EXOC6B: variants seen among roughly 807,000 people sequenced by gnomAD.
EXOC6B encodes SEC15 homolog B.
Under a neutral mutation model 113.5 loss-of-function variants are expected in EXOC6B, and 54 were observed. The observed-to-expected ratio is 0.48, with a 90% CI of 0.38 to 0.60. The LOEUF is 0.60. Among genes scored for constraint, EXOC6B ranks in the 20% least tolerant of loss-of-function variants. The pLI is 0.00. For missense variants in EXOC6B, 797 were observed against 977.5 expected (o/e 0.82, Z 2.46); for synonymous variants, 357 against 339.0 (o/e 1.05, Z -0.58).
chr2:72,623,308 T>C (rs1009334382), intron 6 of EXOC6B, among the ~76,000 whole-genome samples: 1 of 152,172 alleles, frequency 6.6e-6, no homozygotes, highest in Non-Finnish European at 1.5e-5. Flanking sequence ...CCTAGAACTC[T>C]TTTAGAGGGC....
At chr2:72,800,466 A>T (rs1685216247) in intron 1 of EXOC6B, among the ~76,000 whole-genome samples, 1 of 152,208 alleles carries the variant, frequency 6.6e-6, no homozygotes, top group Non-Finnish European at 1.5e-5. Context: ...TTTATAGGTA[A>T]ATTTTTTAAC....
intron 1 of EXOC6B, among the ~76,000 whole-genome samples, chr2:72,815,480 A>G (rs1686182353): frequency 6.6e-6 from 1 of 151,040 alleles, no homozygotes; most frequent in African/African-American, 2.4e-5. Context: ...AGAGAGGGAG[A>G]GACCCTGTTT....
At chr2:72,325,203 C>T (rs1688059714) in intron 20 of EXOC6B, among the ~76,000 whole-genome samples, 2 of 152,164 alleles carry the variant, frequency 1.3e-5, no homozygotes, top group South Asian at 4.1e-4. Flanking sequence ...TCATCTCTCT[C>T]ACTCTCTCCA....
chr2:72,351,089 G>T (rs1370395896), intron 19 of EXOC6B, among the ~76,000 whole-genome samples: 1 of 152,054 alleles, frequency 6.6e-6, no homozygotes, highest in African/African-American at 2.4e-5. Context: ...TGAGTCAGAG[G>T]GGAAGGGCAG....
chr2:72,351,826 C>G (rs981548330), intron 19 of EXOC6B, among the ~76,000 whole-genome samples: 6 of 152,116 alleles, frequency 3.9e-5, no homozygotes, highest in Non-Finnish European at 1.5e-5. Context: ...TCTCAGTGTT[C>G]TTAGAATAAA....
intron 19 of EXOC6B, among the ~76,000 whole-genome samples, chr2:72,357,389 C>T (rs1690026270): frequency 6.6e-6 from 1 of 151,980 alleles, no homozygotes; most frequent in Non-Finnish European, 1.5e-5. Flanking sequence ...ATGGTGGTCC[C>T]ATAAGATTAT....
At chr2:72,602,401 T>C (rs1439919070) in intron 6 of EXOC6B, among the ~76,000 whole-genome samples, 1 of 152,120 alleles carries the variant, frequency 6.6e-6, no homozygotes, top group Non-Finnish European at 1.5e-5. Context: ...ATACTCCACG[T>C]GAGAAAGAGA....
At chr2:72,747,187 C>G (rs930417487) in intron 1 of EXOC6B, among the ~76,000 whole-genome samples, 17 of 151,948 alleles carry the variant, frequency 1.1e-4, no homozygotes, top group African/African-American at 4.1e-4. Context: ...TCTGTCCTAC[C>G]ACAAAGGATA....
chr2:72,524,150 T>TAAAA (rs372964134), intron 8 of EXOC6B, among the ~76,000 whole-genome samples: 1 of 116,744 alleles, frequency 8.6e-6, no homozygotes, highest in Non-Finnish European at 1.8e-5. Context: ...ATACAGAGTT[T>TAAAA]AAAAAAAAAA....
intron 20 of EXOC6B, among the ~76,000 whole-genome samples, chr2:72,310,884 C>CACACACACACAT (rs147993032): frequency 1.9e-4 from 28 of 149,440 alleles, no homozygotes; most frequent in African/African-American, 5.3e-4. Context: ...CACACACACA[C>CACACACACACAT]ACACAGAGCT....
chr2:72,662,057 GA>G (rs1314569439), intron 6 of EXOC6B, among the ~76,000 whole-genome samples: 1 of 126,314 alleles, frequency 7.9e-6, no homozygotes, highest in Non-Finnish European at 1.6e-5. Context: ...AGAAAGGAAA[GA>G]AGGAAGGAAG....
chr2:72,224,808 G>C (rs1167094786), intron 20 of EXOC6B, among the ~76,000 whole-genome samples: 1 of 148,326 alleles, frequency 6.7e-6, no homozygotes, highest in Non-Finnish European at 1.5e-5. Context: ...CTGTGTGTGT[G>C]TGTGTGTGTG....
At chr2:72,504,525 T>C (rs1331574541) in intron 11 of EXOC6B, among the ~76,000 whole-genome samples, 1 of 152,186 alleles carries the variant, frequency 6.6e-6, no homozygotes, top group African/African-American at 2.4e-5. Flanking sequence ...ATGTTTGAGT[T>C]TAACCCAGAT....
At chr2:72,308,127 T>A (rs1686997280) in intron 20 of EXOC6B, among the ~76,000 whole-genome samples, 1 of 152,168 alleles carries the variant, frequency 6.6e-6, no homozygotes, top group Admixed American at 6.5e-5. Flanking sequence ...GAAGGAATAC[T>A]CAGCAAAGAC....
chr2:72,222,494 T>C (rs1381038037), intron 20 of EXOC6B, among the ~76,000 whole-genome samples: 1 of 152,210 alleles, frequency 6.6e-6, no homozygotes, highest in African/African-American at 2.4e-5. Context: ...TATTTGAGTG[T>C]CACTGTATCT....
At chr2:72,362,846 C>T (rs1007582201) in intron 19 of EXOC6B, among the ~76,000 whole-genome samples, 3 of 152,084 alleles carry the variant, frequency 2.0e-5, no homozygotes, top group African/African-American at 7.2e-5. Context: ...GAGTAGGGCC[C>T]ACATATATCT....
At chr2:72,668,040 A>G (rs1194735508) in intron 6 of EXOC6B, among the ~76,000 whole-genome samples, 7 of 152,210 alleles carry the variant, frequency 4.6e-5, no homozygotes, top group Admixed American at 1.3e-4. Context: ...TAACCCCAGT[A>G]AAAGTGGGCA....
chr2:72,709,885 T>C (rs927702267), intron 6 of EXOC6B, among the ~76,000 whole-genome samples: 2 of 152,156 alleles, frequency 1.3e-5, no homozygotes, highest in African/African-American at 4.8e-5. Flanking sequence ...AAAAAAACTA[T>C]TTGTTAACAT....
chr2:72,193,613 A>C (rs887776385), intron 20 of EXOC6B, among the ~76,000 whole-genome samples: 4 of 152,220 alleles, frequency 2.6e-5, no homozygotes, highest in African/African-American at 9.6e-5. Context: ...AATGATGTGA[A>C]TACCCTAACA....
Sources: allele counts gnomAD v4.1 joint callset (sites outside exome capture counted in the v4.1 genomes callset), GRCh38; gene constraint gnomAD v4.1.1; transcripts MANE v1.5; gene names NCBI Gene and HGNC (gene_info 2026-07-23, HGNC 2026-07-21).